The following DPF2 variants were observed in gnomAD, a reference collection of about 807,000 sequenced individuals.
The protein encoded by DPF2 is zinc finger protein ubi-d4.
In DPF2, 10 loss-of-function variants were observed where a neutral mutation model predicts 59.6. That is an observed-to-expected ratio of 0.17 (90% CI 0.10 to 0.28). The LOEUF is 0.28. Among genes scored for constraint, DPF2 ranks in the 10% least tolerant of loss-of-function variants. The pLI, the probability that DPF2 is intolerant of heterozygous loss-of-function variation, is 1.00. For synonymous variants in DPF2, 189 were observed against 190.6 expected (o/e 0.99, Z 0.07); for missense variants, 315 against 509.4 (o/e 0.62, Z 3.67).
At chr11:65,344,894 G>C (rs1854482079) in intron 6 of DPF2, 2 of 478,416 alleles carry the variant, frequency 4.2e-6, no homozygotes, top group South Asian at 7.0e-5. Flanking sequence ...ATTACAATCA[G>C]ACCCTTCCGC....
chr11:65,338,481 G>T (rs1854272468), intron 1 of DPF2, among the ~76,000 whole-genome samples: 2 of 152,204 alleles, frequency 1.3e-5, no homozygotes, highest in Admixed American at 6.5e-5. Context: ...CCTTCCATTT[G>T]ACTTCCAGTG....
At chr11:65,335,747 C>T (rs949450592) in intron 1 of DPF2, among the ~76,000 whole-genome samples, 2 of 152,138 alleles carry the variant, frequency 1.3e-5, no homozygotes, top group African/African-American at 4.8e-5. Flanking sequence ...TATAGTGTGC[C>T]TAGTCTTCTG....
chr11:65,341,262 C>A, intron 3 of DPF2, 137 bp from the exon 4 acceptor site: 1 of 1,346,588 alleles, frequency 7.4e-7, no homozygotes, highest in South Asian at 1.4e-5. Context: ...GCCAAGTGAA[C>A]TAGGGTGTCT....
chr11:65,342,392 G>A (rs956792092), intron 4 of DPF2, among the ~76,000 whole-genome samples: 4 of 152,102 alleles, frequency 2.6e-5, no homozygotes, highest in African/African-American at 9.7e-5. Context: ...TGAAGCTGTA[G>A]CTCTGCTTAT....
intron 3 of DPF2, 29 bp downstream of exon 3, chr11:65,341,102 G>T: frequency 6.3e-7 from 1 of 1,598,026 alleles, no homozygotes; most frequent in South Asian, 1.1e-5. Context: ...GAGCAGAGGC[G>T]TGGCCTGCTG....
rs1301059856 is a variant in DPF2 at position 65,346,078 on chromosome 11, C to G, written c.904+20C>G. The G allele has an allele frequency of 6.2e-7, 1 of 1,613,906 alleles. No individual in the cohort carries two copies. Among genetic ancestry groups the G allele is most frequent in the Admixed American group, 1.7e-5 (1 of 59,998 alleles). On this transcript the variant is annotated intron_variant, in intron 8 of 10. Transcript: ENST00000528416. ...GCTCAGGTACTGCTTCCCGTGAAGG[C>G]TGCTGCTTTGCCCAGTCCCCAAGGG... is the stretch of plus-strand genomic sequence containing the variant.
rs776435445 is a variant in DPF2 at position 65,341,004 on chromosome 11, C to T, written c.232C>T (p.Arg78Cys). Reference protein sequence around the residue: ...SGQLYSYPARRWRKKRRAHPP... With the variant: ...SGQLYSYPARCWRKKRRAHPP... ...ACAGCTGTACTCCTACCCTGCCCGG[C>T]GCTGGCGGAAAAAGCGGCGAGCCCA... is the stretch of plus-strand genomic sequence containing the variant. Residue 78 changes from arginine to cysteine, a missense_variant, in exon 3 of 11, where the codon CGC becomes TGC. Physicochemically the swap from Arg to Cys is radical, Grantham distance 180. Around this residue, in one of 4 missense-constraint regions of DPF2, gnomAD observed 228 missense variants for 275.3 expected, o/e 0.83. Coordinates refer to ENST00000528416, the MANE Select transcript of DPF2 (RefSeq NM_006268.5). 1 of 1,614,084 alleles carries T rather than the reference C, an allele frequency of 6.2e-7. No homozygotes were observed. The highest frequency in any genetic ancestry group is 8.5e-7 in the Non-Finnish European group (1 of 1,180,012).
chr11:65,340,843 C>T (rs1027557824), intron 2 of DPF2, 123 bp from the exon 3 acceptor site: 5 of 1,021,110 alleles, frequency 4.9e-6, no homozygotes, highest in Admixed American at 2.6e-5. Flanking sequence ...CCCCTAGGCC[C>T]TCACTGTCAG....
chr11:65,349,085 T>A (rs1273780114), intron 10 of DPF2, among the ~76,000 whole-genome samples, 154 bp downstream of exon 10: 1 of 152,128 alleles, frequency 6.6e-6, no homozygotes, highest in African/African-American at 2.4e-5. Context: ...CTTCCTAACA[T>A]TTCAACTTAA....
At chr11:65,344,207 C>CA in intron 6 of DPF2, 138 bp downstream of exon 6, 1 of 852,674 alleles carries the variant, frequency 1.2e-6, no homozygotes, top group Non-Finnish European at 1.9e-6. Context: ...TGACTGCTTC[C>CA]GTCTGAGACC....
Position 65,343,840 on chromosome 11 carries a change from GA to G in DPF2, c.558+4del. 6.3e-7 allele frequency: 1 copy of G among 1,583,910 alleles called. No individual in the cohort carries two copies. The highest frequency in any genetic ancestry group is 8.6e-7 in the Non-Finnish European group (1 of 1,164,126). ...GTCGGGGAAAGGGGAAATCCAAGGT[GA>G]GGGGCCAGCGTGCTGCCTGCATCTT... On this transcript the variant is annotated splice_donor_region_variant and intron_variant, in intron 5 of 10. Transcript: ENST00000528416.
chr11:65,340,058 T>A (rs1854315871), intron 1 of DPF2, among the ~76,000 whole-genome samples: 1 of 152,156 alleles, frequency 6.6e-6, no homozygotes, highest in African/African-American at 2.4e-5. Flanking sequence ...TTAAGAGAAA[T>A]AGCATCTTAA....
At chr11:65,341,826 T>A (rs1369351632) in intron 4 of DPF2, 3 of 311,596 alleles carry the variant, frequency 9.6e-6, no homozygotes, top group Admixed American at 8.6e-5. Context: ...AAAATTAAAA[T>A]AGGCCAGATG....
At position 65,354,121 on chromosome 11, in the gene DPF2, A is replaced by G. The variant is rs1005894306; in HGVS notation, c.*2362A>G. Among the ~76,000 whole-genome samples, 3 of 152,196 alleles carry G rather than the reference A, an allele frequency of 2.0e-5. No individual in the cohort carries two copies. The highest frequency in any genetic ancestry group is 7.2e-5 in the African/African-American group (3 of 41,458). On this transcript the variant is annotated 3_prime_UTR_variant, in exon 11 of 11. Coordinates refer to ENST00000528416, the MANE Select transcript of DPF2 (RefSeq NM_006268.5). The stretch of plus-strand genomic sequence containing the variant: ...TGAGCGGAGGGAGCAGCGAGGCTGG[A>G]GAGCAGCTGGGCTGCGGGTCAAGAC...
intron 6 of DPF2, 40 bp from the exon 7 acceptor site, chr11:65,345,626 G>A: frequency 5.0e-6 from 8 of 1,611,622 alleles, no homozygotes; most frequent in Non-Finnish European, 6.8e-6. Flanking sequence ...TGGCACTCTT[G>A]TATCCTAACA....
intron 10 of DPF2, among the ~76,000 whole-genome samples, chr11:65,351,367 A>G (rs113085570): frequency 3.4e-4 from 52 of 152,298 alleles, no homozygotes; most frequent in African/African-American, 1.1e-3. Flanking sequence ...GTGCTTGACA[A>G]ACTTCTGTCT....
chr11:65,335,115 T>C (rs1325069638), intron 1 of DPF2, among the ~76,000 whole-genome samples: 1 of 149,020 alleles, frequency 6.7e-6, no homozygotes, highest in African/African-American at 2.5e-5. Flanking sequence ...TGCTCTATCC[T>C]GCTGTCTCTT....
At chr11:65,343,692 G>T in intron 4 of DPF2, 53 bp from the exon 5 acceptor site, 1 of 1,540,590 alleles carries the variant, frequency 6.5e-7, no homozygotes. Flanking sequence ...TCATCATAGG[G>T]GAGCTTTTGG....
intron 1 of DPF2, among the ~76,000 whole-genome samples, chr11:65,337,247 C>T (rs534884369): frequency 9.3e-5 from 14 of 150,690 alleles, no homozygotes; most frequent in African/African-American, 3.4e-4. Context: ...GTCAGGAGTT[C>T]GAGACCAGCT....
Sources: gnomAD v4.1 joint callset for allele counts (sites outside exome capture counted in the v4.1 genomes callset) on GRCh38, gnomAD v4.1.1 for gene constraint, gnomAD v4.1.1 regional missense constraint, MANE v1.5 for transcripts, NCBI Gene and HGNC (gene_info 2026-07-23, HGNC 2026-07-21) for gene names.